ANKRD28: variants seen among roughly 807,000 people sequenced by gnomAD.
The protein encoded by ANKRD28 is serine/threonine-protein phosphatase 6 regulatory ankyrin repeat subunit A.
A neutral mutation model predicts 126.5 loss-of-function variants in ANKRD28; 44 were observed. That is an observed-to-expected ratio of 0.35 (90% confidence interval 0.27 to 0.45). The LOEUF is 0.45. ANKRD28 is among the 20% of genes least tolerant of loss of function. The probability of loss-of-function intolerance (pLI) is 1.00; values close to 1 mark genes in which losing one functional copy is unlikely to be tolerated. For missense variants in ANKRD28, 1,110 were observed against 1,316.6 expected (o/e 0.84, Z 2.43); for synonymous variants, 442 against 468.5 (o/e 0.94, Z 0.73).
intron 1 of ANKRD28, among the ~76,000 whole-genome samples, chr3:15,850,331 G>A (rs895384531): frequency 6.7e-6 from 1 of 150,238 alleles, no homozygotes; most frequent in Admixed American, 6.6e-5. Flanking sequence ...AAATGTAAGA[G>A]CTAAAAACTT....
rs180862668 is a variant in ANKRD28, at chr3:15,820,322, C to G, written c.28-25016G>C. On this transcript the variant is annotated intron_variant, in intron 1 of 27. Coordinates refer to the ANKRD28 transcript ENST00000399451. ...CATATTGACAATTGCTTTATTATAC[C>G]TGACAGTCTTTCTTAAAAACAAACA... Among the ~76,000 whole-genome samples the G allele has an allele frequency of 5.7e-3, 873 of 152,054 alleles. 6 individuals are homozygous for G. Among genetic ancestry groups the G allele is most frequent in the Non-Finnish European group, 8.2e-3 (556 of 67,954 alleles).
chr3:15,783,831 G>A (rs1269587492), intron 2 of ANKRD28, among the ~76,000 whole-genome samples: 3 of 151,844 alleles, frequency 2.0e-5, no homozygotes, highest in Admixed American at 6.6e-5. Flanking sequence ...ACAGATCCAG[G>A]AGAACACTAA....
chr3:15,740,714 T>G (rs2075391335), intron 4 of ANKRD28, among the ~76,000 whole-genome samples: 1 of 152,224 alleles, frequency 6.6e-6, no homozygotes, highest in Admixed American at 6.5e-5. Context: ...TTATGTTCCA[T>G]TAGTAAAAAC....
At chr3:15,850,262 G>GAGAGAGAT (rs1179512677) in intron 1 of ANKRD28, among the ~76,000 whole-genome samples, 2 of 135,064 alleles carry the variant, frequency 1.5e-5, no homozygotes, top group African/African-American at 2.8e-5. Flanking sequence ...GAGAGAGAGA[G>GAGAGAGAT]AAAGTTGAAA....
intron 25 of ANKRD28, 145 bp downstream of exon 25, chr3:15,677,335 A>T: frequency 1.6e-6 from 1 of 640,386 alleles, no homozygotes. Flanking sequence ...ATGGTGCCTT[A>T]TAAGTCAATT....
intron 2 of ANKRD28, among the ~76,000 whole-genome samples, chr3:15,793,855 C>G (rs768808162): frequency 5.3e-5 from 8 of 152,186 alleles, no homozygotes; most frequent in Non-Finnish European, 1.2e-4. Context: ...CACCTGAGAT[C>G]AGGAGTTTGA....
At chr3:15,850,516 C>T (rs2061629806) in intron 1 of ANKRD28, among the ~76,000 whole-genome samples, 1 of 152,044 alleles carries the variant, frequency 6.6e-6, no homozygotes, top group Non-Finnish European at 1.5e-5. Context: ...AGCATCTGGG[C>T]TCCTGGAGTT....
Position 15,678,254 on chromosome 3 carries a change from T to C in ANKRD28, c.2662A>G (p.Thr888Ala). ...QVNSVDSTGK[T>A]PLMMAAENGQ... ...TTTTCTGCAGCCATCATAAGAGGTGTTTTCCCTGTAGAGTCCACAGAATTG... is the reference window on the plus strand; with the variant it reads ...TTTTCTGCAGCCATCATAAGAGGTGCTTTCCCTGTAGAGTCCACAGAATTG... The change falls in exon 24 of 28, where the codon ACA (threonine) becomes GCA (alanine). Residue 888 changes from threonine to alanine, a missense_variant. Transcript: ENST00000683139. 6.2e-7 allele frequency: 1 copy of C among 1,612,654 alleles called. No homozygotes were observed.
At chr3:15,757,609 C>G (rs1030003646) in intron 3 of ANKRD28, among the ~76,000 whole-genome samples, 1 of 152,034 alleles carries the variant, frequency 6.6e-6, no homozygotes, top group Non-Finnish European at 1.5e-5. Context: ...AAAAGTGGCC[C>G]AAGAGCGCTC....
At chr3:15,819,248 A>G (rs961850065) in intron 1 of ANKRD28, among the ~76,000 whole-genome samples, 10 of 152,202 alleles carry the variant, frequency 6.6e-5, no homozygotes, top group African/African-American at 1.2e-4. Context: ...ACTGCACTCT[A>G]AACTGGGCAA....
intron 1 of ANKRD28, among the ~76,000 whole-genome samples, chr3:15,856,620 ATCTACTCACAG>A (rs2061773009): frequency 2.0e-5 from 3 of 152,340 alleles, no homozygotes; most frequent in African/African-American, 7.2e-5. Flanking sequence ...AATCATTTTC[ATCTACTCACAG>A]TCAGAAAGCA....
chr3:15,695,620 T>C (rs1399962372), intron 15 of ANKRD28, among the ~76,000 whole-genome samples: 1 of 152,146 alleles, frequency 6.6e-6, no homozygotes, highest in Admixed American at 6.6e-5. Context: ...TGAATATCTT[T>C]TCCTTGACTT....
chr3:15,731,435 G>C (rs1010192252), intron 6 of ANKRD28, among the ~76,000 whole-genome samples: 2 of 152,180 alleles, frequency 1.3e-5, no homozygotes, highest in Non-Finnish European at 2.9e-5. Flanking sequence ...GTCTTGAAGA[G>C]TAAGCCACAC....
intron 2 of ANKRD28, among the ~76,000 whole-genome samples, chr3:15,786,954 A>T (rs2059810199): frequency 6.6e-6 from 1 of 152,090 alleles, no homozygotes; most frequent in Non-Finnish European, 1.5e-5. Context: ...ATACATTTAA[A>T]ATTTTTTGCT....
chr3:15,683,076 G>A (rs2067707363), intron 21 of ANKRD28, among the ~76,000 whole-genome samples: 1 of 152,158 alleles, frequency 6.6e-6, no homozygotes, highest in Non-Finnish European at 1.5e-5. Flanking sequence ...AACAAACACT[G>A]TAATAGAAAG....
intron 17 of ANKRD28, among the ~76,000 whole-genome samples, chr3:15,694,113 G>A (rs1208483931): frequency 6.6e-6 from 1 of 152,046 alleles, no homozygotes; most frequent in Non-Finnish European, 1.5e-5. Context: ...TGTACAGGAA[G>A]CTAGATTAGG....
Position 15,812,174 on chromosome 3 carries a change from C to T in ANKRD28, c.28-16868G>A, listed in dbSNP as rs953418395. 8.7e-6 allele frequency among the ~76,000 whole-genome samples: 1 copy of T among 115,360 alleles called. No homozygotes were observed. The highest frequency in any genetic ancestry group is 1.7e-5 in the Non-Finnish European group (1 of 57,284). The allele number at this position is 115,360 out of a possible 152,430, so 75.7% of individuals were successfully genotyped here. ...GCAAACAAAACAAAACAAAACAAAA[C>T]GAAACCCAAAACAACAATAAAATGT... On this transcript the variant is annotated intron_variant, in intron 1 of 27. Coordinates refer to the ANKRD28 transcript ENST00000399451. The surrounding 1 kb of genome is among the most constrained non-coding windows in gnomAD (Gnocchi z 4.1).
At chr3:15,835,667 C>T (rs1345273192) in intron 1 of ANKRD28, among the ~76,000 whole-genome samples, 3 of 152,228 alleles carry the variant, frequency 2.0e-5, no homozygotes, top group Admixed American at 6.5e-5. Flanking sequence ...CATAACTTCT[C>T]TCCCAGCCTC....
At chr3:15,680,958 C>T (rs935922965) in intron 21 of ANKRD28, among the ~76,000 whole-genome samples, 11 of 152,142 alleles carry the variant, frequency 7.2e-5, no homozygotes, top group South Asian at 6.2e-4. Flanking sequence ...TAAGCCACCA[C>T]GGCCAACATT....
Sources: gnomAD v4.1 joint callset for allele counts (sites outside exome capture counted in the v4.1 genomes callset) on GRCh38, gnomAD v4.1.1 for gene constraint, Gnocchi (gnomAD v3.1) non-coding constraint, MANE v1.5 for transcripts, NCBI Gene and HGNC (gene_info 2026-07-23, HGNC 2026-07-21) for gene names.